The following SLC13A3 variants were observed in gnomAD, a reference collection of about 807,000 sequenced individuals.
SLC13A3 encodes the protein solute carrier family 13 member 3.
A neutral mutation model predicts 59.0 loss-of-function variants in SLC13A3; 40 were observed. The observed-to-expected ratio is 0.68, with a 90% CI of 0.53 to 0.88. The LOEUF (loss-of-function observed/expected upper bound fraction) is 0.88. Ranked by LOEUF, SLC13A3 falls within the 40% of genes least tolerant of loss-of-function variation. The probability of loss-of-function intolerance (pLI) is 0.00; values close to 1 mark genes in which losing one functional copy is unlikely to be tolerated. For missense variants in SLC13A3, 699 were observed against 783.2 expected, an observed-to-expected ratio of 0.89 and a Z score of 1.28; for synonymous variants, 317 against 330.3, an observed-to-expected ratio of 0.96 and a Z score of 0.44.
chr20:46,651,677 C>T (rs751433035), upstream of SLC13A3, among the ~76,000 whole-genome samples: 2 of 152,248 alleles, frequency 1.3e-5, no homozygotes, highest in African/African-American at 2.4e-5. Context: ...TGCCTCTTGG[C>T]TTCCCAGCAA....
upstream of SLC13A3, among the ~76,000 whole-genome samples, chr20:46,670,930 G>A (rs1568965656): frequency 6.6e-6 from 1 of 152,132 alleles, no homozygotes; most frequent in Non-Finnish European, 1.5e-5. Context: ...TTACAAGGCA[G>A]CAGAAAACCT....
In SLC13A3 at chr20:46,608,835, G is replaced by A. The variant is rs138138801; in HGVS notation, c.541+1611C>T. Reference sequence around the variant, plus strand: ...TGAGGTAAATGATCCAAAGCCACAGGGGCAGATCTGCCATCTATCTCTCAA... The same window carrying A: ...TGAGGTAAATGATCCAAAGCCACAGAGGCAGATCTGCCATCTATCTCTCAA... On this transcript the variant is annotated intron_variant, in intron 3 of 12. Transcript: ENST00000279027. 4.1e-5 allele frequency: 62 copies of A among 1,520,250 alleles called. No individual in the cohort carries two copies. In the African/African-American group the frequency reaches 8.4e-4, roughly 21 times the overall value. The allele number at this position is 1,520,250 out of a possible 1,614,324, so 94.2% of individuals were successfully genotyped here.
At chr20:46,565,453 G>A (rs922121267) in intron 11 of SLC13A3, among the ~76,000 whole-genome samples, 1 of 152,024 alleles carries the variant, frequency 6.6e-6, no homozygotes, top group Non-Finnish European at 1.5e-5. Flanking sequence ...TCTGGATCTG[G>A]GTCTGTTGCC....
intron 1 of SLC13A3, among the ~76,000 whole-genome samples, chr20:46,630,904 T>C (rs900291799): frequency 6.6e-6 from 1 of 152,228 alleles, no homozygotes; most frequent in Non-Finnish European, 1.5e-5. Flanking sequence ...TGTAGACATA[T>C]GATCATACCA....
At chr20:46,587,689 A>G (rs1180310859) in intron 8 of SLC13A3, among the ~76,000 whole-genome samples, 1 of 152,190 alleles carries the variant, frequency 6.6e-6, no homozygotes, top group African/African-American at 2.4e-5. Context: ...TTTGTTGTCT[A>G]ACTACTTGCT....
chr20:46,602,429 T>C (rs2062388716), intron 3 of SLC13A3, among the ~76,000 whole-genome samples: 1 of 151,786 alleles, frequency 6.6e-6, no homozygotes, highest in African/African-American at 2.4e-5. Context: ...GAAAAGAAAA[T>C]TAGAATGAAT....
At chr20:46,562,955 A>C (rs1326030481) in intron 12 of SLC13A3, among the ~76,000 whole-genome samples, 1 of 152,110 alleles carries the variant, frequency 6.6e-6, no homozygotes. Flanking sequence ...GGAAGGGAGG[A>C]GCTGGTTCAG....
chr20:46,577,965 G>A (rs1053545047), intron 9 of SLC13A3, among the ~76,000 whole-genome samples: 12 of 150,932 alleles, frequency 8.0e-5, no homozygotes, highest in African/African-American at 2.9e-4. Flanking sequence ...GCTTTGCCCA[G>A]AGCAAGTCCC....
intron 1 of SLC13A3, among the ~76,000 whole-genome samples, chr20:46,638,469 T>C (rs1176581115): frequency 2.0e-5 from 3 of 152,186 alleles, no homozygotes; most frequent in Non-Finnish European, 4.4e-5. Context: ...GTTATTTCCC[T>C]AGCAAGGGAA....
intron 2 of SLC13A3, among the ~76,000 whole-genome samples, chr20:46,610,914 A>C (rs1425282496): frequency 2.0e-5 from 3 of 151,980 alleles, no homozygotes; most frequent in Non-Finnish European, 4.4e-5. Context: ...CGGGGCACCA[A>C]GACACTCCAC....
Position 46,566,389 on chromosome 20 carries a change from T to G in SLC13A3, c.1334A>C (p.Glu445Ala). ...GGFAMAKGCE[E>A]SGLSVWIGGQ... Reference sequence around the variant, plus strand: ...ACCAATCCATACAGACAGCCCCGATTCCTGCGGAGGGAAAGGCATTCCTTC... The same window carrying G: ...ACCAATCCATACAGACAGCCCCGATGCCTGCGGAGGGAAAGGCATTCCTTC... Residue 445 changes from glutamate to alanine, a missense_variant and splice_region_variant, in exon 11 of 13, where the codon GAA becomes GCA. Physicochemically the swap from Glu to Ala is moderately radical, Grantham distance 107. Coordinates refer to ENST00000279027, the MANE Select transcript of SLC13A3 (RefSeq NM_022829.6). 1 of 1,611,958 alleles carries G rather than the reference T, an allele frequency of 6.2e-7. No homozygotes were observed. Among genetic ancestry groups the G allele is most frequent in the Non-Finnish European group, 8.5e-7 (1 of 1,178,574 alleles).
At chr20:46,645,990 T>C (rs571459988) in intron 1 of SLC13A3, among the ~76,000 whole-genome samples, 1 of 152,168 alleles carries the variant, frequency 6.6e-6, no homozygotes, top group South Asian at 2.1e-4. Context: ...ATGATGTGAG[T>C]GGTATTTGGA....
intron 9 of SLC13A3, chr20:46,583,328 A>T: frequency 9.1e-7 from 1 of 1,102,202 alleles, no homozygotes; most frequent in Non-Finnish European, 1.1e-6. Context: ...TGCTTAGCTC[A>T]CAGGCTGTTC....
chr20:46,575,531 C>T (rs773278382), intron 10 of SLC13A3, 42 bp downstream of exon 10: 3 of 1,257,048 alleles, frequency 2.4e-6, no homozygotes, highest in East Asian at 2.5e-5. Flanking sequence ...CCACACCTGC[C>T]TCCCACTGTT....
rs139144280 is a variant in SLC13A3 at position 46,561,725 on chromosome 20, G to C, written c.1633-1527C>G. Among the ~76,000 whole-genome samples, 19 of 151,734 alleles carry C rather than the reference G, an allele frequency of 1.3e-4. No homozygotes were observed. The East Asian group carries it at 3.7e-3, about 29-fold the overall frequency. On this transcript the variant is annotated intron_variant, in intron 12 of 12. Coordinates refer to ENST00000279027, the MANE Select transcript of SLC13A3 (RefSeq NM_022829.6). Reference sequence around the variant, plus strand: ...TAAATAAATATTACCACGGACGGGTGGGGGACATACTGCGTGTGCTGTCCT... The same window carrying C: ...TAAATAAATATTACCACGGACGGGTCGGGGACATACTGCGTGTGCTGTCCT...
chr20:46,678,382 T>C (rs1438433031), intron 1 of SLC13A3, among the ~76,000 whole-genome samples: 1 of 152,196 alleles, frequency 6.6e-6, no homozygotes, highest in Non-Finnish European at 1.5e-5. Context: ...CTTCAAGTGA[T>C]GGAAAATCTG....
At chr20:46,630,101 A>G (rs554104806) in intron 1 of SLC13A3, among the ~76,000 whole-genome samples, 1 of 152,302 alleles carries the variant, frequency 6.6e-6, no homozygotes, top group African/African-American at 2.4e-5. Flanking sequence ...ATCAACATGG[A>G]CCCAGAACAT....
intron 1 of SLC13A3, among the ~76,000 whole-genome samples, chr20:46,666,003 C>G (rs2063060832): frequency 6.6e-6 from 1 of 152,172 alleles, no homozygotes. Flanking sequence ...AGAGTAGTAA[C>G]AGCAGAGGTG....
At chr20:46,577,457 G>A (rs389021) in intron 9 of SLC13A3, among the ~76,000 whole-genome samples, 123,281 of 152,218 alleles carry the variant, frequency 0.81, 50,118 homozygotes, top group East Asian at 0.88. Flanking sequence ...ATGATAAAAT[G>A]TCGTTTCATT....
Sources: gnomAD v4.1 joint callset for allele counts (sites outside exome capture counted in the v4.1 genomes callset) on GRCh38, gnomAD v4.1.1 for gene constraint, MANE v1.5 for transcripts, NCBI Gene and HGNC (gene_info 2026-07-23, HGNC 2026-07-21) for gene names.